Variants in RIMS2 observed in about 807,000 individuals in gnomAD.
The protein encoded by RIMS2 is regulating synaptic membrane exocytosis 2, also known as regulating synaptic membrane exocytosis protein 2.
RIMS2 carries 59 observed loss-of-function variants against 174.4 expected under a neutral mutation model. The observed-to-expected ratio is 0.34, with a 90% confidence interval of 0.27 to 0.42. The LOEUF (loss-of-function observed/expected upper bound fraction) is 0.42, where lower values mean the gene tolerates loss of function less well. RIMS2 is among the 10% of genes least tolerant of loss of function. The probability of loss-of-function intolerance (pLI) is 1.00; values close to 1 mark genes in which losing one functional copy is unlikely to be tolerated. For synonymous variants in RIMS2, 606 were observed against 572.5 expected (o/e 1.06, Z -0.84); for missense variants, 1,620 against 1,666.3 (o/e 0.97, Z 0.48).
intron 3 of RIMS2, among the ~76,000 whole-genome samples, chr8:103,877,265 A>G (rs1018510428): frequency 6.6e-6 from 1 of 151,916 alleles, no homozygotes; most frequent in Admixed American, 6.6e-5. Context: ...GTGGTATCAC[A>G]TAGTGGGTTT....
intron 3 of RIMS2, among the ~76,000 whole-genome samples, chr8:103,837,235 G>T (rs1017060470): frequency 6.6e-6 from 1 of 152,168 alleles, no homozygotes; most frequent in Admixed American, 6.5e-5. Context: ...ACTAGCATTG[G>T]CACTTATCTG....
intron 2 of RIMS2, among the ~76,000 whole-genome samples, chr8:103,754,100 G>A (rs548684030): frequency 1.3e-5 from 2 of 152,186 alleles, no homozygotes; most frequent in African/African-American, 4.8e-5. Context: ...ACTGCTTTAA[G>A]TGTGTCCCAG....
At chr8:103,872,168 G>C (rs1318890072) in intron 3 of RIMS2, among the ~76,000 whole-genome samples, 1 of 152,200 alleles carries the variant, frequency 6.6e-6, no homozygotes, top group Non-Finnish European at 1.5e-5. Context: ...ACTGAACACA[G>C]AATTGGGAGG....
At chr8:103,623,054 A>G (rs2095672791) in intron 1 of RIMS2, among the ~76,000 whole-genome samples, 1 of 152,222 alleles carries the variant, frequency 6.6e-6, no homozygotes, top group Non-Finnish European at 1.5e-5. Flanking sequence ...TCCATAAGAC[A>G]GTCTCAAAGA....
chr8:103,876,905 T>TATATATATATAA (rs2099142805), intron 3 of RIMS2, among the ~76,000 whole-genome samples: 1 of 61,488 alleles, frequency 1.6e-5, no homozygotes, highest in African/African-American at 6.1e-5. Flanking sequence ...TATATATATA[T>TATATATATATAA]ATATACACAC....
intron 1 of RIMS2, among the ~76,000 whole-genome samples, chr8:103,505,078 T>G (rs926555584): frequency 6.6e-6 from 1 of 152,038 alleles, no homozygotes; most frequent in Non-Finnish European, 1.5e-5. Context: ...GGTCTTGAAC[T>G]CCTGGGCTCA....
intron 3 of RIMS2, among the ~76,000 whole-genome samples, chr8:103,795,619 G>T (rs1232934629): frequency 6.6e-6 from 1 of 151,580 alleles, no homozygotes; most frequent in African/African-American, 2.4e-5. Context: ...AAAAAAAAGA[G>T]GATAAGCCTG....
intron 1 of RIMS2, among the ~76,000 whole-genome samples, chr8:103,622,606 C>G (rs2095662376): frequency 6.6e-6 from 1 of 152,160 alleles, no homozygotes; most frequent in African/African-American, 2.4e-5. Flanking sequence ...CAATCTCATA[C>G]ATACAGATGC....
intron 4 of RIMS2, among the ~76,000 whole-genome samples, chr8:103,896,358 G>A (rs909827393): frequency 6.6e-6 from 1 of 151,644 alleles, no homozygotes; most frequent in African/African-American, 2.4e-5. Context: ...CAGTAGACCC[G>A]TCCTGTGTAT....
intron 15 of RIMS2, among the ~76,000 whole-genome samples, chr8:103,964,326 C>T (rs896099473): frequency 6.6e-6 from 1 of 152,242 alleles, no homozygotes; most frequent in Admixed American, 6.5e-5. Context: ...CACATCTTGC[C>T]AGCATTTGGT....
At chr8:104,236,331 G>A (rs998381766) in intron 19 of RIMS2, among the ~76,000 whole-genome samples, 42 of 151,808 alleles carry the variant, frequency 2.8e-4, no homozygotes, top group African/African-American at 9.7e-4. Flanking sequence ...TAATACTTTG[G>A]TACCACATGA....
chr8:104,222,646 G>A (rs1217884173), intron 19 of RIMS2, among the ~76,000 whole-genome samples: 1 of 152,210 alleles, frequency 6.6e-6, no homozygotes, highest in Non-Finnish European at 1.5e-5. Context: ...GCAGTTTGCA[G>A]AATGCATCAT....
intron 1 of RIMS2, among the ~76,000 whole-genome samples, chr8:103,624,838 T>C (rs2095740617): frequency 6.6e-6 from 1 of 152,110 alleles, no homozygotes; most frequent in Non-Finnish European, 1.5e-5. Context: ...TACATATCTG[T>C]ATTTTCTGAT....
intron 19 of RIMS2, among the ~76,000 whole-genome samples, chr8:104,057,560 A>C (rs572580614): frequency 4.0e-5 from 6 of 151,350 alleles, no homozygotes; most frequent in South Asian, 2.1e-4. Flanking sequence ...TTCTTCTTTT[A>C]TTTTATTTTA....
chr8:103,568,714 A>G lies in RIMS2; in HGVS notation c.176+67652A>G, dbSNP rs569189484. On this transcript the variant is annotated intron_variant, in intron 1 of 23. Transcript: ENST00000504942. Reference sequence around the variant, plus strand: ...TCATGGTTTTGTTCTTCTAGCTTACATAAGGGAGTAGCCTATAAAGCAGCT... The same window carrying G: ...TCATGGTTTTGTTCTTCTAGCTTACGTAAGGGAGTAGCCTATAAAGCAGCT... The G allele has an allele frequency of 4.9e-6, 4 of 813,064 alleles. No homozygotes were observed. In the East Asian group the frequency reaches 1.2e-4, roughly 25 times the overall value. 50.4% of individuals were successfully genotyped at this position (813,064 alleles called of 1,614,324 possible).
At chr8:103,702,555 T>G (rs903359823) in intron 2 of RIMS2, among the ~76,000 whole-genome samples, 18 of 152,194 alleles carry the variant, frequency 1.2e-4, no homozygotes, top group African/African-American at 4.3e-4. Context: ...GTTTCAGGTC[T>G]TAGATTTAAG....
chr8:104,065,088 T>G (rs57276254), intron 19 of RIMS2, among the ~76,000 whole-genome samples: 113,125 of 151,844 alleles, frequency 0.75, 42,823 homozygotes, highest in African/African-American at 0.85. Context: ...ATTTCAACAA[T>G]ATATAAACAG....
intron 19 of RIMS2, among the ~76,000 whole-genome samples, chr8:104,064,770 A>G (rs1036189347): frequency 6.6e-6 from 1 of 152,048 alleles, no homozygotes; most frequent in Non-Finnish European, 1.5e-5. Flanking sequence ...ATATATTTAC[A>G]AACATGTAAA....
Position 103,795,495 on chromosome 8 carries a change from C to T in RIMS2, c.698+28958C>T, listed in dbSNP as rs150679525. The stretch of plus-strand genomic sequence containing the variant: ...TATACCTAATGAAAATGAGTTAATG[C>T]GTGCAGCACACCAACATGGCACATG... On this transcript the variant is annotated intron_variant, in intron 3 of 23. Transcript: ENST00000504942. 3.0e-3 allele frequency among the ~76,000 whole-genome samples: 458 copies of T among 152,046 alleles called. 4 individuals carry two copies. Among genetic ancestry groups the T allele is most frequent in the Non-Finnish European group, 5.3e-3 (359 of 67,988 alleles).
Sources: gnomAD v4.1 joint callset for allele counts (sites outside exome capture counted in the v4.1 genomes callset) on GRCh38, gnomAD v4.1.1 for gene constraint, MANE v1.5 for transcripts, NCBI Gene and HGNC (gene_info 2026-07-23, HGNC 2026-07-21) for gene names.